Variants in CSMD1 observed in about 807,000 individuals in gnomAD.
CSMD1 encodes CUB and sushi domain-containing protein 1.
In CSMD1, 213 loss-of-function variants were observed where a neutral mutation model predicts 417.5. The observed-to-expected ratio is 0.51, with a 90% CI of 0.46 to 0.57. The LOEUF is 0.57. CSMD1 is among the 20% of genes least tolerant of loss of function. CSMD1 has a pLI of 0.00. For missense variants in CSMD1, 6,923 were observed against 4,529.7 expected, an observed-to-expected ratio of 1.53 and a Z score of -15.17; for synonymous variants, 2,862 against 1,736.8, an observed-to-expected ratio of 1.65 and a Z score of -16.11.
intron 11 of CSMD1, among the ~76,000 whole-genome samples, chr8:3,474,948 T>C (rs921895080): frequency 6.6e-6 from 1 of 152,196 alleles, no homozygotes. Context: ...CATCATATTG[T>C]AGCTGCCTGC....
intron 3 of CSMD1, among the ~76,000 whole-genome samples, chr8:4,347,872 C>T (rs576044627): frequency 1.3e-5 from 2 of 151,886 alleles, no homozygotes; most frequent in African/African-American, 4.8e-5. Flanking sequence ...AGGTAATTTC[C>T]AAAGTTAATC....
intron 5 of CSMD1, among the ~76,000 whole-genome samples, chr8:3,770,924 T>C (rs1470405809): frequency 6.6e-6 from 1 of 152,198 alleles, no homozygotes; most frequent in Non-Finnish European, 1.5e-5. Flanking sequence ...TTCAGATAGC[T>C]TGGTGAATCT....
intron 25 of CSMD1, among the ~76,000 whole-genome samples, chr8:3,303,215 A>G (rs1013383999): frequency 3.3e-5 from 5 of 152,176 alleles, no homozygotes; most frequent in African/African-American, 9.7e-5. Flanking sequence ...CCCATGGTCT[A>G]TGTACAGAGG....
chr8:3,678,027 G>T (rs1390670706), intron 7 of CSMD1, among the ~76,000 whole-genome samples: 36 of 152,248 alleles, frequency 2.4e-4, no homozygotes, highest in Non-Finnish European at 8.8e-5. Context: ...AAAGCGTTCT[G>T]TCAATATTTA....
At chr8:3,617,559 C>T (rs1047112754) in intron 7 of CSMD1, among the ~76,000 whole-genome samples, 5 of 152,132 alleles carry the variant, frequency 3.3e-5, no homozygotes, top group African/African-American at 1.2e-4. Context: ...AGGAGTACTT[C>T]TGGGAAACAT....
At position 3,160,791 on chromosome 8, in the gene CSMD1, C is replaced by G. The variant is rs145655740; in HGVS notation, c.5844+1368G>C. Reference sequence around the variant, plus strand: ...AGCATACATCACATGGTACCCATGTCCCACGGTTGATCAGGAGAAGTGAGA... The same window carrying G: ...AGCATACATCACATGGTACCCATGTGCCACGGTTGATCAGGAGAAGTGAGA... On this transcript the variant is annotated intron_variant, in intron 38 of 69. Coordinates refer to ENST00000635120, the MANE Select transcript of CSMD1 (RefSeq NM_033225.6). 1.2e-3 allele frequency among the ~76,000 whole-genome samples: 177 copies of G among 152,276 alleles called. 2 individuals carry two copies. The highest frequency in any genetic ancestry group is 4.0e-3 in the African/African-American group (168 of 41,572).
chr8:4,014,958 T>C (rs987412998), intron 4 of CSMD1, among the ~76,000 whole-genome samples: 1 of 152,216 alleles, frequency 6.6e-6, no homozygotes, highest in Admixed American at 6.5e-5. Flanking sequence ...ATAACGTGAA[T>C]GACGTGCTTG....
intron 3 of CSMD1, among the ~76,000 whole-genome samples, chr8:4,312,047 A>C (rs1798613460): frequency 6.6e-6 from 1 of 152,128 alleles, no homozygotes; most frequent in African/African-American, 2.4e-5. Context: ...AATCATTGTC[A>C]TTTCTAGCTA....
chr8:4,069,150 G>A (rs891584084), intron 3 of CSMD1, among the ~76,000 whole-genome samples: 21 of 152,128 alleles, frequency 1.4e-4, no homozygotes, highest in Admixed American at 3.9e-4. Context: ...ATAGGAGACT[G>A]GTTGCAAATA....
chr8:3,771,091 T>C (rs1246122719), intron 5 of CSMD1, among the ~76,000 whole-genome samples: 1 of 152,088 alleles, frequency 6.6e-6, no homozygotes, highest in Non-Finnish European at 1.5e-5. Context: ...GGGGGTATTG[T>C]ATTCTCAGGA....
intron 3 of CSMD1, among the ~76,000 whole-genome samples, chr8:4,198,518 G>C (rs1409039968): frequency 6.6e-6 from 1 of 152,162 alleles, no homozygotes; most frequent in Non-Finnish European, 1.5e-5. Flanking sequence ...GGATGGATTT[G>C]GGGGATGAGA....
At chr8:4,962,018 G>T (rs1809523536) in intron 1 of CSMD1, among the ~76,000 whole-genome samples, 1 of 151,698 alleles carries the variant, frequency 6.6e-6, no homozygotes, top group Non-Finnish European at 1.5e-5. Context: ...ATCTCTCTGA[G>T]ATTAGTAATA....
In CSMD1 at chr8:4,150,794, C is replaced by T. The variant is rs541655756; in HGVS notation, c.416-118695G>A. 7.2e-5 allele frequency among the ~76,000 whole-genome samples: 11 copies of T among 152,200 alleles called. No homozygotes were observed. In the East Asian group the frequency reaches 1.5e-3, roughly 21 times the overall value. On this transcript the variant is annotated intron_variant, in intron 3 of 69. Transcript: ENST00000635120. ...AAAGATCATTTAAATGTGTAGTTTG[C>T]GCACTTGCAGAGGTGTTGGGAGAAG... is the stretch of plus-strand genomic sequence containing the variant.
rs151116458 is a variant in CSMD1, at chr8:4,290,944, C to G, written c.415+129009G>C. Among the ~76,000 whole-genome samples the G allele has an allele frequency of 3.9e-3, 594 of 152,236 alleles. 5 individuals carry two copies. The highest frequency in any genetic ancestry group is 0.036 in the South Asian group (172 of 4,824). ...TCAACTCAACTGCTTTAATTCATTT[C>G]TTTCTAAAATTTAGAGGGGCAAAAT... On this transcript the variant is annotated intron_variant, in intron 3 of 69. Transcript: ENST00000635120.
At chr8:3,557,650 C>A (rs910363260) in intron 10 of CSMD1, among the ~76,000 whole-genome samples, 10 of 152,138 alleles carry the variant, frequency 6.6e-5, no homozygotes, top group Admixed American at 2.0e-4. Flanking sequence ...CTGCCTTCTG[C>A]GGAAATGCTT....
chr8:4,040,094 A>T (rs952815827), intron 3 of CSMD1, among the ~76,000 whole-genome samples: 1 of 152,214 alleles, frequency 6.6e-6, no homozygotes, highest in African/African-American at 2.4e-5. Flanking sequence ...GTATACAGAG[A>T]TTTTAACATA....
At chr8:4,162,368 C>T (rs1459657848) in intron 3 of CSMD1, among the ~76,000 whole-genome samples, 2 of 152,034 alleles carry the variant, frequency 1.3e-5, no homozygotes, top group Non-Finnish European at 2.9e-5. Flanking sequence ...TTTTGATGTT[C>T]AAATGTTTTT....
intron 7 of CSMD1, among the ~76,000 whole-genome samples, chr8:3,697,490 C>G (rs1416433994): frequency 1.3e-5 from 2 of 152,148 alleles, no homozygotes; most frequent in Admixed American, 6.5e-5. Flanking sequence ...AAATGGAATT[C>G]TTTAATTGAT....
chr8:3,835,848 T>A (rs1324716187), intron 5 of CSMD1, among the ~76,000 whole-genome samples: 1 of 152,160 alleles, frequency 6.6e-6, no homozygotes, highest in African/African-American at 2.4e-5. Context: ...TTAGTTCTTC[T>A]GTACCTTTAG....
Sources: allele counts gnomAD v4.1 joint callset (sites outside exome capture counted in the v4.1 genomes callset), GRCh38; gene constraint gnomAD v4.1.1; transcripts MANE v1.5; gene names NCBI Gene and HGNC (gene_info 2026-07-23, HGNC 2026-07-21).